C9: variants seen among roughly 807,000 people sequenced by gnomAD.
The protein encoded by C9 is complement C9.
Under a neutral mutation model 65.4 loss-of-function variants are expected in C9, and 63 were observed. That is an observed-to-expected ratio of 0.96 (90% CI 0.79 to 1.19). The LOEUF (loss-of-function observed/expected upper bound fraction) is 1.19, where lower values mean the gene tolerates loss of function less well. Among genes scored for constraint, C9 ranks in the 50% most tolerant of loss-of-function variants. C9 has a pLI of 0.00. For missense variants in C9, 744 were observed against 670.1 expected, an observed-to-expected ratio of 1.11 and a Z score of -1.22; for synonymous variants, 229 against 227.9, an observed-to-expected ratio of 1.00 and a Z score of -0.04.
intron 5 of C9, among the ~76,000 whole-genome samples, chr5:39,329,970 G>C (rs1034999233): frequency 6.6e-6 from 1 of 152,110 alleles, no homozygotes; most frequent in Non-Finnish European, 1.5e-5. Context: ...TTGAATAAGG[G>C]GATTATCAGC....
rs146217095 is a variant in C9, at chr5:39,331,711, G to A, written c.580C>T (p.Arg194Ter). The part of the protein sequence containing the change: ...DRDGNTLTYY[R>*]RPWNVASLIY... ...AAAGAAGCCACGTTCCAAGGTCTTC[G>A]GTAGTATGTCAGAGTGTTTCCATCC... The change falls in exon 5 of 11, where the codon CGA becomes TGA. Residue 194 changes from arginine to a stop codon, truncating the protein, a stop_gained. Coordinates refer to ENST00000263408, the MANE Select transcript of C9 (RefSeq NM_001737.5). LOFTEE classifies it high-confidence loss of function. The A allele has an allele frequency of 4.5e-5, 73 of 1,613,758 alleles. No individual in the cohort carries two copies. In the African/African-American group the frequency reaches 6.9e-4, roughly 15 times the overall value.
intron 7 of C9, among the ~76,000 whole-genome samples, chr5:39,308,943 T>C (rs914457361): frequency 6.6e-6 from 1 of 152,122 alleles, no homozygotes; most frequent in African/African-American, 2.4e-5. Flanking sequence ...CATCTCCTGA[T>C]CCTCTTTGGA....
At chr5:39,350,879 T>C (rs1351063848) in intron 1 of C9, among the ~76,000 whole-genome samples, 2 of 152,176 alleles carry the variant, frequency 1.3e-5, no homozygotes, top group Admixed American at 1.3e-4. Flanking sequence ...ACAGTTCTAC[T>C]AGGCAGTGCC....
chr5:39,333,065 T>C (rs1480936903), intron 4 of C9, among the ~76,000 whole-genome samples: 3 of 152,174 alleles, frequency 2.0e-5, no homozygotes, highest in Non-Finnish European at 4.4e-5. Flanking sequence ...TCATGAAAAA[T>C]GCTATGGCCT....
At chr5:39,301,162 T>C (rs1344633947) in intron 9 of C9, among the ~76,000 whole-genome samples, 1 of 152,174 alleles carries the variant, frequency 6.6e-6, no homozygotes, top group East Asian at 1.9e-4. Flanking sequence ...CATAATATGA[T>C]GCACTGAGAA....
chr5:39,347,141 T>C (rs570405997), intron 1 of C9, among the ~76,000 whole-genome samples: 1 of 152,274 alleles, frequency 6.6e-6, no homozygotes, highest in South Asian at 2.1e-4. Context: ...TCACCACCCC[T>C]ATTCAACATA....
At chr5:39,314,079 C>CACCTATGA (rs1753532515) in intron 6 of C9, among the ~76,000 whole-genome samples, 1 of 152,110 alleles carries the variant, frequency 6.6e-6, no homozygotes, top group African/African-American at 2.4e-5. Flanking sequence ...TGGCTCTTAG[C>CACCTATGA]ACCTATGATC....
chr5:39,359,248 C>T (rs1490346951), intron 1 of C9, among the ~76,000 whole-genome samples: 2 of 150,930 alleles, frequency 1.3e-5, no homozygotes, highest in African/African-American at 2.4e-5. Flanking sequence ...TGGGTAGAGA[C>T]GAGTACAGAA....
chr5:39,299,079 C>T (rs1753237612), intron 9 of C9, among the ~76,000 whole-genome samples: 1 of 151,840 alleles, frequency 6.6e-6, no homozygotes, highest in Non-Finnish European at 1.5e-5. Context: ...CTACAGCTAA[C>T]ATCATACTTA....
intron 5 of C9, among the ~76,000 whole-genome samples, chr5:39,330,307 G>GA (rs1753817611): frequency 1.3e-5 from 2 of 152,116 alleles, no homozygotes; most frequent in South Asian, 4.1e-4. Flanking sequence ...CTGAAATGCT[G>GA]AAACACATGT....
chr5:39,328,723 G>C (rs1028783857), intron 5 of C9, among the ~76,000 whole-genome samples: 1 of 152,140 alleles, frequency 6.6e-6, no homozygotes, highest in Non-Finnish European at 1.5e-5. Flanking sequence ...AGGTTTGTGG[G>C]CATAAATGAG....
At chr5:39,299,421 A>C (rs1753243881) in intron 9 of C9, among the ~76,000 whole-genome samples, 1 of 152,142 alleles carries the variant, frequency 6.6e-6, no homozygotes, top group Admixed American at 6.6e-5. Flanking sequence ...TCTGGGAACA[A>C]ATAAATGTCC....
chr5:39,295,032 CG>C (rs1170042470), intron 9 of C9, among the ~76,000 whole-genome samples: 2 of 151,544 alleles, frequency 1.3e-5, no homozygotes, highest in African/African-American at 4.8e-5. Flanking sequence ...TACAAATTCT[CG>C]ATAAATTAGG....
chr5:39,346,324 A>G (rs1223242034), intron 1 of C9, among the ~76,000 whole-genome samples: 2 of 152,190 alleles, frequency 1.3e-5, no homozygotes, highest in African/African-American at 4.8e-5. Flanking sequence ...TGCAACAAAA[A>G]ATGACAAAGG....
intron 1 of C9, among the ~76,000 whole-genome samples, chr5:39,354,219 G>A (rs910239557): frequency 2.0e-5 from 3 of 152,182 alleles, no homozygotes; most frequent in African/African-American, 7.2e-5. Flanking sequence ...CTGCTGGAAT[G>A]TTTCCATAAA....
intron 9 of C9, among the ~76,000 whole-genome samples, chr5:39,304,918 A>G (rs1361382628): frequency 6.6e-6 from 1 of 152,124 alleles, no homozygotes; most frequent in Non-Finnish European, 1.5e-5. Context: ...CAGCTGCCTT[A>G]TTTACTTGAG....
In C9 at chr5:39,355,808, GC is replaced by G. The variant is rs1221763665; in HGVS notation, c.77+8579del. Among the ~76,000 whole-genome samples the G allele has an allele frequency of 2.6e-5, 4 of 152,112 alleles. No homozygotes were observed. In the East Asian group the frequency reaches 7.7e-4, roughly 29 times the overall value. On this transcript the variant is annotated intron_variant, in intron 1 of 10. Coordinates refer to ENST00000263408, the MANE Select transcript of C9 (RefSeq NM_001737.5). ...ACTCCTTCTGAGGTCCCACTCCTTG[GC>G]TTGTAGATGGCCATCTTCTCCCTGT...
rs752839524 is a variant in C9 at position 39,364,437 on chromosome 5, C to T, written c.28G>A (p.Ala10Thr). 3 of 1,608,890 alleles carry T rather than the reference C, an allele frequency of 1.9e-6. No individual in the cohort carries two copies. Among genetic ancestry groups the T allele is most frequent in the Non-Finnish European group, 1.7e-6 (2 of 1,175,672 alleles). Reference protein sequence around the residue: MSACRSFAVAICILEISILT... With the variant: MSACRSFAVTICILEISILT... ...ATGCTTATTTCTAAAATGCAGATTG[C>T]AACTGCAAAGCTCCGGCAGGCTGAC... Residue 10 changes from alanine (A) to threonine (T), a missense_variant, in exon 1 of 11, where the codon GCA becomes ACA. Coordinates refer to ENST00000263408, the MANE Select transcript of C9 (RefSeq NM_001737.5).
rs867773904 is a variant in C9, at chr5:39,311,324, C to T, written c.924G>A (p.Met308Ile). Reference protein sequence around the residue: ...KGEIHLGRFVMRNRDVVLTTT... With the variant: ...KGEIHLGRFVIRNRDVVLTTT... ...TTGTGAGCACAACATCGCGATTTCT[C>T]ATTACAAATCTTCCCAGATGAATTT... The change falls in exon 7 of 11, where the codon ATG (methionine) becomes ATA (isoleucine). Residue 308 changes from methionine to isoleucine, a missense_variant. By Grantham distance (10) the Met-to-Ile change is conservative. Coordinates refer to ENST00000263408, the MANE Select transcript of C9 (RefSeq NM_001737.5). The T allele has an allele frequency of 1.2e-6, 2 of 1,612,800 alleles. No individual in the cohort carries two copies. The highest frequency in any genetic ancestry group is 1.7e-6 in the Non-Finnish European group (2 of 1,178,922).
Sources: allele counts gnomAD v4.1 joint callset (sites outside exome capture counted in the v4.1 genomes callset), GRCh38; gene constraint gnomAD v4.1.1; transcripts MANE v1.5; gene names NCBI Gene and HGNC (gene_info 2026-07-23, HGNC 2026-07-21).